FOXP1: variants seen among roughly 807,000 people sequenced by gnomAD.
FOXP1 encodes forkhead box protein P1.
Under a neutral mutation model 98.2 loss-of-function variants are expected in FOXP1, and 15 were observed. The ratio of observed to expected loss-of-function variants is 0.15; its 90% CI spans 0.10 to 0.24. The LOEUF (loss-of-function observed/expected upper bound fraction) is 0.24. FOXP1 is among the 10% of genes least tolerant of loss of function. The pLI is 1.00. For synonymous variants in FOXP1, 371 were observed against 314.5 expected (o/e 1.18, Z -1.90); for missense variants, 633 against 848.5 (o/e 0.75, Z 3.15).
intron 5 of FOXP1, among the ~76,000 whole-genome samples, chr3:71,267,844 C>A (rs1271280499): frequency 6.6e-6 from 1 of 151,712 alleles, no homozygotes; most frequent in East Asian, 2.0e-4. Flanking sequence ...ATGGTGAAAC[C>A]CTGTCTCTAC....
chr3:71,281,323 ACACT>A (rs2071542035), intron 5 of FOXP1, among the ~76,000 whole-genome samples: 1 of 152,198 alleles, frequency 6.6e-6, no homozygotes, highest in Non-Finnish European at 1.5e-5. Flanking sequence ...GCGCGTGCAC[ACACT>A]CACTCTCTCT....
At chr3:71,449,216 A>G (rs544874626) in intron 3 of FOXP1, among the ~76,000 whole-genome samples, 111 of 152,336 alleles carry the variant, frequency 7.3e-4, no homozygotes, top group African/African-American at 1.9e-3. Flanking sequence ...AAAATAGAGC[A>G]GGGCCCAAAT....
rs150850842 is a variant in FOXP1, at chr3:71,378,463, T to C, written c.-167-19219A>G. Among the ~76,000 whole-genome samples the C allele has an allele frequency of 8.3e-3, 1,261 of 152,242 alleles. 5 individuals are homozygous for C. The highest frequency in any genetic ancestry group is 0.012 in the Non-Finnish European group (838 of 68,008). ...CACCATGCTGAGCAGCGTGAGGACA[T>C]TTCTCCCTGTCCCACTCTGTCCTAC... On this transcript the variant is annotated intron_variant, in intron 3 of 20. Coordinates refer to ENST00000649528, the MANE Select transcript of FOXP1 (RefSeq NM_001349338.3).
At chr3:71,178,155 T>TTGA in intron 6 of FOXP1, among the ~76,000 whole-genome samples, 1 of 144,884 alleles carries the variant, frequency 6.9e-6, no homozygotes, top group African/African-American at 2.6e-5. Flanking sequence ...TTTTTTTTTT[T>TTGA]GAGAGAGTCT....
rs180673965 is a variant in FOXP1, at chr3:71,169,312, G to A, written c.180+28890C>T. Among the ~76,000 whole-genome samples the A allele has an allele frequency of 8.7e-4, 133 of 152,238 alleles. 1 individual carries two copies. Among genetic ancestry groups the A allele is most frequent in the Middle Eastern group, 6.8e-3 (2 of 294 alleles). ...ACTCCGTTAACATTTGCCCCCGAGC[G>A]TCTCTCTCTTTGTCCAGTCCCTGTC... is the stretch of plus-strand genomic sequence containing the variant. On this transcript the variant is annotated intron_variant, in intron 6 of 20. Transcript: ENST00000649528.
intron 6 of FOXP1, among the ~76,000 whole-genome samples, chr3:71,142,029 C>T (rs568652307): frequency 3.3e-5 from 5 of 152,224 alleles, no homozygotes; most frequent in East Asian, 3.9e-4. Flanking sequence ...TCAACTAATC[C>T]TATGTCTACT....
chr3:71,358,415 A>C (rs965925570), intron 4 of FOXP1, among the ~76,000 whole-genome samples: 1 of 152,226 alleles, frequency 6.6e-6, no homozygotes. Flanking sequence ...ATGAAAGCCC[A>C]ATGTGATTAA....
chr3:71,373,721 A>G (rs186431866), intron 3 of FOXP1, among the ~76,000 whole-genome samples: 123 of 152,350 alleles, frequency 8.1e-4, no homozygotes, highest in Middle Eastern at 3.4e-3. Flanking sequence ...CGATCATCTC[A>G]AAGTTTCTTG....
chr3:71,216,306 A>G lies in FOXP1; in HGVS notation c.-11-17914T>C, dbSNP rs369185361. On this transcript the variant is annotated intron_variant, in intron 5 of 20. Transcript: ENST00000649528. ...ACTTTAAGAATTTAAGTATGATTGA[A>G]TAAGTCTCCATGTATTTACAAATTT... 3.3e-5 allele frequency among the ~76,000 whole-genome samples: 5 copies of G among 152,370 alleles called. No individual in the cohort carries two copies. The East Asian group carries it at 7.7e-4, about 23-fold the overall frequency.
intron 6 of FOXP1, among the ~76,000 whole-genome samples, chr3:71,143,463 C>A (rs931301744): frequency 2.6e-5 from 4 of 152,162 alleles, no homozygotes; most frequent in Admixed American, 6.5e-5. Flanking sequence ...AAGCCAGAGG[C>A]CTGCATTTGA....
At chr3:71,234,319 A>T (rs1211377374) in intron 5 of FOXP1, among the ~76,000 whole-genome samples, 1 of 152,234 alleles carries the variant, frequency 6.6e-6, no homozygotes, top group African/African-American at 2.4e-5. Flanking sequence ...CTCGGAATTA[A>T]TCCAATCAGC....
In FOXP1 at chr3:71,065,079, C is replaced by G. The variant is rs1029602756; in HGVS notation, c.283-11306G>C. 1.6e-4 allele frequency among the ~76,000 whole-genome samples: 24 copies of G among 148,086 alleles called. No individual in the cohort carries two copies. The South Asian group carries it at 2.3e-3, about 14-fold the overall frequency. On this transcript the variant is annotated intron_variant, in intron 7 of 20. Transcript: ENST00000649528. ...CACACAATGGGCTCCGCGGCCCGCG[C>G]CCCGCGCCCGCGCGCCCCGGCCCCC...
chr3:71,426,760 G>A (rs956852679), intron 3 of FOXP1, among the ~76,000 whole-genome samples: 1 of 152,052 alleles, frequency 6.6e-6, no homozygotes, highest in Non-Finnish European at 1.5e-5. Context: ...TTCTTGCACT[G>A]TCTCTTAAAA....
chr3:71,180,866 T>TA (rs912368531), intron 6 of FOXP1, among the ~76,000 whole-genome samples: 1 of 152,242 alleles, frequency 6.6e-6, no homozygotes, highest in Non-Finnish European at 1.5e-5. Context: ...ACTCTGCGTC[T>TA]AAATTTAAAA....
intron 5 of FOXP1, among the ~76,000 whole-genome samples, chr3:71,201,327 C>T (rs1251759062): frequency 1.3e-5 from 2 of 152,146 alleles, no homozygotes; most frequent in African/African-American, 2.4e-5. Flanking sequence ...GTCTCTCTTC[C>T]ACAAACTTGC....
At chr3:71,325,160 C>G (rs2075614580) in intron 4 of FOXP1, among the ~76,000 whole-genome samples, 2 of 150,258 alleles carry the variant, frequency 1.3e-5, no homozygotes, top group South Asian at 4.2e-4. Flanking sequence ...TCAAGAGATT[C>G]TCCCACCTCA....
chr3:71,037,632 CACAGG>C (rs2106798066), intron 11 of FOXP1, among the ~76,000 whole-genome samples: 1 of 152,306 alleles, frequency 6.6e-6, no homozygotes, highest in African/African-American at 2.4e-5. Context: ...GCACTGACAA[CACAGG>C]CATGTTTATT....
At chr3:71,287,434 C>T (rs1236227025) in intron 5 of FOXP1, among the ~76,000 whole-genome samples, 1 of 152,136 alleles carries the variant, frequency 6.6e-6, no homozygotes, top group Non-Finnish European at 1.5e-5. Flanking sequence ...GACTGCACCA[C>T]TGCACTCCAG....
At chr3:71,551,103 C>A (rs2045743299) in intron 2 of FOXP1, among the ~76,000 whole-genome samples, 1 of 152,146 alleles carries the variant, frequency 6.6e-6, no homozygotes, top group South Asian at 2.1e-4. Flanking sequence ...GATTCTGAGG[C>A]AAATAATGCC....
Sources: allele counts gnomAD v4.1 joint callset (sites outside exome capture counted in the v4.1 genomes callset), GRCh38; gene constraint gnomAD v4.1.1; transcripts MANE v1.5; gene names NCBI Gene and HGNC (gene_info 2026-07-23, HGNC 2026-07-21).